KLF13: variants seen among roughly 807,000 people sequenced by gnomAD.
The protein encoded by KLF13 is KLF transcription factor 13.
Under a neutral mutation model 16.7 loss-of-function variants are expected in KLF13, and 8 were observed. The ratio of observed to expected loss-of-function variants is 0.48; its 90% CI spans 0.28 to 0.87. The LOEUF (loss-of-function observed/expected upper bound fraction) is 0.87. Ranked by LOEUF, KLF13 falls within the 40% of genes least tolerant of loss-of-function variation. KLF13 has a pLI of 0.10. For missense variants in KLF13, 447 were observed against 452.2 expected, an observed-to-expected ratio of 0.99 and a Z score of 0.10; for synonymous variants, 245 against 208.4, an observed-to-expected ratio of 1.18 and a Z score of -1.51.
At chr15:31,356,795 T>G (rs1165475278) in intron 1 of KLF13, among the ~76,000 whole-genome samples, 1 of 152,146 alleles carries the variant, frequency 6.6e-6, no homozygotes, top group Non-Finnish European at 1.5e-5. Context: ...CACCTCCCGG[T>G]CTCTTTGCCT....
chr15:31,356,559 AAGTG>A (rs1159253283), intron 1 of KLF13, among the ~76,000 whole-genome samples: 1 of 152,218 alleles, frequency 6.6e-6, no homozygotes, highest in African/African-American at 2.4e-5. Context: ...CTCAAAAAAT[AAGTG>A]AGAACATGCA....
intron 1 of KLF13, among the ~76,000 whole-genome samples, chr15:31,329,462 C>T (rs2038787658): frequency 6.8e-6 from 1 of 147,126 alleles, no homozygotes; most frequent in African/African-American, 2.5e-5. Context: ...TCGGCAGCAC[C>T]GGTAGCGGGG....
intron 1 of KLF13, among the ~76,000 whole-genome samples, chr15:31,328,676 C>A (rs2038768239): frequency 6.6e-6 from 1 of 152,204 alleles, no homozygotes; most frequent in Non-Finnish European, 1.5e-5. Context: ...CCCCGCCAGC[C>A]CAGCGGCAAC....
chr15:31,357,325 C>G (rs939600702), intron 1 of KLF13, among the ~76,000 whole-genome samples: 1 of 152,238 alleles, frequency 6.6e-6, no homozygotes, highest in Admixed American at 6.5e-5. Context: ...TGTCTCTGCT[C>G]CTTGGTCTGG....
intron 1 of KLF13, among the ~76,000 whole-genome samples, chr15:31,411,282 T>G (rs1009585317): frequency 6.6e-6 from 1 of 152,330 alleles, no homozygotes; most frequent in East Asian, 1.9e-4. Context: ...TTTCAGTTGA[T>G]GCTGCTATAA....
chr15:31,367,030 A>T (rs921871355), intron 1 of KLF13, among the ~76,000 whole-genome samples: 7 of 152,216 alleles, frequency 4.6e-5, no homozygotes, highest in Non-Finnish European at 1.0e-4. Flanking sequence ...TTCTAATACG[A>T]TGAAAGCAGT....
At position 31,355,620 on chromosome 15, in the gene KLF13, C is replaced by A. The variant is rs549034330; in HGVS notation, c.578-16390C>A. ...AGTGTTAGGCATTATCTCCTGACTT[C>A]CCATGATGGCACATGAGCGCCTGCA... On this transcript the variant is annotated intron_variant, in intron 1 of 1. Coordinates refer to ENST00000307145, the MANE Select transcript of KLF13 (RefSeq NM_015995.4). Among the ~76,000 whole-genome samples the A allele has an allele frequency of 7.6e-4, 115 of 152,240 alleles. 1 individual carries two copies. Among genetic ancestry groups the A allele is most frequent in the Non-Finnish European group, 1.1e-3 (72 of 68,020 alleles).
At chr15:31,390,779 G>A (rs142898294), upstream of KLF13, among the ~76,000 whole-genome samples, 558 of 152,028 alleles carry the variant, frequency 3.7e-3, 2 homozygotes, top group African/African-American at 0.013. Context: ...ACTGAATCAG[G>A]CTTCTGTGTC....
chr15:31,404,558 T>G (rs553338727), exon 3 of KLF13: 1 of 152,196 alleles, frequency 6.6e-6, no homozygotes, highest in Admixed American at 6.5e-5. Flanking sequence ...AATGGACCAA[T>G]CAGACCAATC....
intron 1 of KLF13, among the ~76,000 whole-genome samples, chr15:31,365,494 C>G (rs1310724785): frequency 6.6e-6 from 1 of 151,852 alleles, no homozygotes; most frequent in Non-Finnish European, 1.5e-5. Flanking sequence ...CTGGCCCCAG[C>G]TTGGTACCGG....
chr15:31,420,538 C>T (rs1298608596), intron 1 of KLF13: 1 of 545,256 alleles, frequency 1.8e-6, no homozygotes, highest in Non-Finnish European at 3.5e-6. Flanking sequence ...CCATCCAGAG[C>T]CTGCTAGGAG....
chr15:31,365,999 C>T (rs2140961193), intron 1 of KLF13, among the ~76,000 whole-genome samples: 1 of 152,222 alleles, frequency 6.6e-6, no homozygotes, highest in East Asian at 1.9e-4. Flanking sequence ...CAATTGCTCT[C>T]ACTCGGGGCG....
chr15:31,433,578 A>G (rs7402619), intron 1 of KLF13, among the ~76,000 whole-genome samples: 142,399 of 152,170 alleles, frequency 0.94, 66,776 homozygotes, highest in East Asian at 1. Context: ...ACTGTTGAAG[A>G]ACTCACCTGT....
At chr15:31,341,239 A>G (rs902812701) in intron 1 of KLF13, among the ~76,000 whole-genome samples, 5 of 152,196 alleles carry the variant, frequency 3.3e-5, no homozygotes, top group African/African-American at 1.2e-4. Context: ...GGCTGAGCCC[A>G]TCTCTGGGTT....
chr15:31,367,407 T>C (rs1369568044), intron 1 of KLF13, among the ~76,000 whole-genome samples: 1 of 152,174 alleles, frequency 6.6e-6, no homozygotes, highest in South Asian at 2.1e-4. Flanking sequence ...GCTCCTGATA[T>C]ATAGGGAGGC....
At chr15:31,433,832 C>A (rs1159389962) in intron 1 of KLF13, among the ~76,000 whole-genome samples, 1 of 152,220 alleles carries the variant, frequency 6.6e-6, no homozygotes, top group African/African-American at 2.4e-5. Flanking sequence ...CAGTCCCTGG[C>A]AGCCGAGGCC....
chr15:31,380,427 G>A (rs537012802), downstream of KLF13, among the ~76,000 whole-genome samples: 33 of 152,352 alleles, frequency 2.2e-4, 1 homozygote, highest in Middle Eastern at 0.017. Context: ...AGGGACTGGT[G>A]TTCTGGAAGG....
intron 1 of KLF13, among the ~76,000 whole-genome samples, chr15:31,432,141 G>A (rs1024423992): frequency 1.1e-4 from 1 of 9,432 alleles, no homozygotes; most frequent in African/African-American, 5.1e-4. Context: ...AGAAATCAGA[G>A]CACTTACAAA....
intron 1 of KLF13, among the ~76,000 whole-genome samples, chr15:31,383,302 C>T (rs2039750641): frequency 6.6e-6 from 1 of 152,244 alleles, no homozygotes; most frequent in Admixed American, 6.5e-5. Context: ...TGGCCTCCTT[C>T]CCGGGCTCTG....
Sources: gnomAD v4.1 joint callset for allele counts (sites outside exome capture counted in the v4.1 genomes callset) on GRCh38, gnomAD v4.1.1 for gene constraint, MANE v1.5 for transcripts, NCBI Gene and HGNC (gene_info 2026-07-23, HGNC 2026-07-21) for gene names.